The following VWCE variants were observed in gnomAD, a reference collection of about 807,000 sequenced individuals.
The protein encoded by VWCE is von Willebrand factor C and EGF domain-containing protein.
A neutral mutation model predicts 102.9 loss-of-function variants in VWCE; 68 were observed. The observed-to-expected ratio is 0.66, with a 90% CI of 0.54 to 0.81. The LOEUF is 0.81. Ranked by LOEUF, VWCE falls within the 30% of genes least tolerant of loss-of-function variation. The pLI, the probability that VWCE is intolerant of heterozygous loss-of-function variation, is 0.00. For synonymous variants in VWCE, 497 were observed against 515.4 expected, an observed-to-expected ratio of 0.96 and a Z score of 0.48; for missense variants, 1,137 against 1,263.6, an observed-to-expected ratio of 0.90 and a Z score of 1.52.
In VWCE at chr11:61,269,007, C is replaced by G. The variant is rs201645635; in HGVS notation, c.1797G>C (p.Ser599=). The G allele has an allele frequency of 4.3e-6, 7 of 1,614,056 alleles. No individual in the cohort carries two copies. The highest frequency in any genetic ancestry group is 5.1e-6 in the Non-Finnish European group (6 of 1,180,022). ...CELCICQADG[S]VSCKRTDCVD... is the part of the protein sequence containing the mutation. ...CACAGTCTGTCCTCTTGCAGCTCAC[C>G]GAGCCATCTGCCTGGAGGAAGGAGG... The change falls in exon 15 of 20, where the codon TCG becomes TCC. Residue 599 remains serine (S), a synonymous_variant. Coordinates refer to ENST00000335613, the MANE Select transcript of VWCE (RefSeq NM_152718.2).
chr11:61,258,888 G>T lies in VWCE; in HGVS notation c.2655C>A (p.Ser885=), dbSNP rs144581186. ...SFSASGAQIV[S]RWPPLPGTLL... is the part of the protein sequence containing the mutation. ...GGGTGCCAGGCAGAGGAGGCCACCT[G>T]GACACTATCTGGGCCCCAGAGGCTG... Residue 885 remains serine, a synonymous_variant, in exon 20 of 20, where the codon TCC becomes TCA. Coordinates refer to ENST00000335613, the MANE Select transcript of VWCE (RefSeq NM_152718.2). 145 of 1,523,188 alleles carry T rather than the reference G, an allele frequency of 9.5e-5. 2 individuals carry two copies. In the African/African-American group the frequency reaches 1.5e-3, roughly 16 times the overall value. The allele number at this position is 1,523,188 out of a possible 1,614,324, so 94.4% of individuals were successfully genotyped here.
rs1016037970 is a variant in VWCE at position 61,294,576 on chromosome 11, G to A, written c.110+352C>T. Reference sequence around the variant, plus strand: ...AGGCGCTGCCCGGGCAGAGCCACGGGCACGCTGGGGGGTGAGCCAGCCAGT... The same window carrying A: ...AGGCGCTGCCCGGGCAGAGCCACGGACACGCTGGGGGGTGAGCCAGCCAGT... On this transcript the variant is annotated intron_variant, in intron 1 of 19. Coordinates refer to ENST00000335613, the MANE Select transcript of VWCE (RefSeq NM_152718.2). The surrounding 1 kb of genome is among the most constrained non-coding windows in gnomAD (Gnocchi z 6.3). Among the ~76,000 whole-genome samples, 8 of 152,298 alleles carry A rather than the reference G, an allele frequency of 5.3e-5. No homozygotes were observed. The highest frequency in any genetic ancestry group is 1.9e-4 in the African/African-American group (8 of 41,580).
chr11:61,259,272 A>G lies in VWCE; in HGVS notation c.2271T>C (p.Pro757=). The G allele has an allele frequency of 6.2e-7, 1 of 1,603,668 alleles. No individual in the cohort carries two copies. Among genetic ancestry groups the G allele is most frequent in the Non-Finnish European group, 8.5e-7 (1 of 1,173,588 alleles). ...CTTTGCTGAATGCCACATTTCCGTG[A>G]GGGGAGAGCCCCTGCTTTTCTTCCA... The part of the protein sequence containing the change: ...SPLEEKQGLS[P]HGNVAFSKAG... Residue 757 remains proline, a synonymous_variant, in exon 20 of 20, where the codon CCT becomes CCC. Transcript: ENST00000335613.
chr11:61,274,648 G>A, intron 11 of VWCE, 64 bp from the exon 12 acceptor site: 3 of 1,483,456 alleles, frequency 2.0e-6, no homozygotes, highest in East Asian at 2.3e-5. Flanking sequence ...AGAAAGGGGG[G>A]AACAAATGGG....
chr11:61,261,705 C>T (rs912095508), intron 19 of VWCE, among the ~76,000 whole-genome samples: 4 of 151,450 alleles, frequency 2.6e-5, no homozygotes, highest in Non-Finnish European at 4.4e-5. Context: ...ACCTGTGAGA[C>T]TGAAGTAGGA....
intron 5 of VWCE, among the ~76,000 whole-genome samples, chr11:61,284,638 T>A (rs1210156519): frequency 6.6e-6 from 1 of 152,086 alleles, no homozygotes; most frequent in African/African-American, 2.4e-5. Context: ...TTGATGGGAT[T>A]AGTGTCCTTT....
At chr11:61,272,728 T>C (rs1854759209) in intron 13 of VWCE, among the ~76,000 whole-genome samples, 1 of 149,608 alleles carries the variant, frequency 6.7e-6, no homozygotes, top group African/African-American at 2.5e-5. Context: ...AGACGCACAC[T>C]ACTCACACAC....
chr11:61,273,404 A>T, intron 12 of VWCE, 88 bp from the exon 13 acceptor site: 1 of 1,249,716 alleles, frequency 8.0e-7, no homozygotes. Flanking sequence ...GCTGCCTGCC[A>T]TCACCCTCCC....
chr11:61,280,893 G>A lies in VWCE; in HGVS notation c.1130C>T (p.Pro377Leu), dbSNP rs559387466. ...TPSSPRGPES[P>L]RLAAGPSPCW... is the part of the protein sequence containing the mutation. ...GGGAGAGGGCCCTGCTGCCAGTCGG[G>A]GGGACTCAGGGCCCCTGGGTGAGGA... Residue 377 changes from proline (P) to leucine (L), a missense_variant, in exon 8 of 20, where the codon CCC (proline) becomes CTC (leucine). By Grantham distance (98) the Pro-to-Leu change is moderately conservative. This residue lies in a region of VWCE where 575 missense variants were observed against 625.9 expected (regional missense o/e 0.92). Transcript: ENST00000335613. 51 of 1,530,484 alleles carry A rather than the reference G, an allele frequency of 3.3e-5. No individual in the cohort carries two copies. In the African/African-American group the frequency reaches 6.9e-4, roughly 21 times the overall value. The allele number at this position is 1,530,484 out of a possible 1,614,324, so 94.8% of individuals were successfully genotyped here.
At position 61,274,508 on chromosome 11, in the gene VWCE, A is replaced by AC. The variant is rs1652675490; in HGVS notation, c.1571dup (p.Cys524TrpfsTer17). The stretch of plus-strand genomic sequence containing the variant: ...CGCTCAGCCACCATACCTGGCAAAC[A>AC]CAGGTGGTACACTCGTCACCACCCC... On this transcript the variant is annotated frameshift_variant, in exon 12 of 20. Transcript: ENST00000335613. LOFTEE classifies it high-confidence loss of function. The AC allele has an allele frequency of 1.2e-6, 2 of 1,612,804 alleles. No individual in the cohort carries two copies. The highest frequency in any genetic ancestry group is 1.7e-6 in the Non-Finnish European group (2 of 1,179,540).
chr11:61,279,246 G>A (rs1483867850), intron 9 of VWCE, among the ~76,000 whole-genome samples: 5 of 152,060 alleles, frequency 3.3e-5, no homozygotes, highest in East Asian at 1.9e-4. Flanking sequence ...AAGACTCAGC[G>A]TGTTGCGGGG....
At chr11:61,277,133 A>C (rs1019902722) in intron 10 of VWCE, among the ~76,000 whole-genome samples, 1 of 134,882 alleles carries the variant, frequency 7.4e-6, no homozygotes, top group African/African-American at 2.7e-5. Context: ...AGAGAGAAAG[A>C]GAAGAAAGAA....
intron 13 of VWCE, 134 bp from the exon 14 acceptor site, chr11:61,271,894 A>G (rs1220105554): frequency 1.3e-6 from 1 of 741,386 alleles, no homozygotes; most frequent in Non-Finnish European, 2.3e-6. Context: ...ACTTACACAC[A>G]CTCATACAAA....
In VWCE at chr11:61,295,059, C is replaced by G. The variant is rs890992186; in HGVS notation, c.-22G>C. ...ACATGACCGGCGGCGGCGGGTCCCC[C>G]GGGCTGGGCTCGGCTCCTGCGCCGC... is the stretch of plus-strand genomic sequence containing the variant. On this transcript the variant is annotated 5_prime_UTR_variant, in exon 1 of 20. Coordinates refer to ENST00000335613, the MANE Select transcript of VWCE (RefSeq NM_152718.2). The surrounding 1 kb of genome is among the most constrained non-coding windows in gnomAD (Gnocchi z 4.6). The G allele has an allele frequency of 7.5e-7, 1 of 1,337,500 alleles. No homozygotes were observed. The highest frequency in any genetic ancestry group is 9.6e-7 in the Non-Finnish European group (1 of 1,040,388). 82.9% of individuals were successfully genotyped at this position (1,337,500 alleles called of 1,614,324 possible).
At chr11:61,273,450 A>C in intron 12 of VWCE, 134 bp from the exon 13 acceptor site, 6 of 807,422 alleles carry the variant, frequency 7.4e-6, no homozygotes, top group Non-Finnish European at 9.6e-6. Flanking sequence ...AAATCTACTA[A>C]AGTGAAACTG....
At chr11:61,265,645 C>T (rs1165351320) in intron 16 of VWCE, among the ~76,000 whole-genome samples, 4 of 152,204 alleles carry the variant, frequency 2.6e-5, no homozygotes, top group East Asian at 1.9e-4. Context: ...TCCCTTGTCA[C>T]GCATGTACTC....
chr11:61,270,947 G>A (rs1015813416), intron 14 of VWCE, among the ~76,000 whole-genome samples: 1 of 151,284 alleles, frequency 6.6e-6, no homozygotes, highest in East Asian at 1.9e-4. Flanking sequence ...CTGAGGAAGC[G>A]ATCCTCCCAC....
chr11:61,280,498 T>G, intron 9 of VWCE, 126 bp downstream of exon 9: 3 of 932,312 alleles, frequency 3.2e-6, no homozygotes, highest in Non-Finnish European at 4.8e-6. Context: ...CCAAGGGAAG[T>G]GTGGCTTAGT....
chr11:61,280,957 G>A lies in VWCE; in HGVS notation c.1066C>T (p.Pro356Ser), dbSNP rs772623651. The change falls in exon 8 of 20, where the codon CCC becomes TCC. Residue 356 changes from proline to serine, a missense_variant. Coordinates refer to ENST00000335613, the MANE Select transcript of VWCE (RefSeq NM_152718.2). Reference protein sequence around the residue: ...PTASLLGNLRPPSLLQGEVMG... With the variant: ...PTASLLGNLRSPSLLQGEVMG... ...ACCTCCCCCTGAAGGAGTGAGGGGG[G>A]TCTGAGGTTCCCCAGCAGGGAGGCA... The A allele has an allele frequency of 1.9e-5, 29 of 1,534,424 alleles. 1 individual carries two copies. Among genetic ancestry groups the A allele is most frequent in the South Asian group, 5.2e-5 (4 of 77,554 alleles).
Sources: gnomAD v4.1 joint callset for allele counts (sites outside exome capture counted in the v4.1 genomes callset) on GRCh38, gnomAD v4.1.1 for gene constraint, gnomAD v4.1.1 regional missense constraint, Gnocchi (gnomAD v3.1) non-coding constraint, MANE v1.5 for transcripts, NCBI Gene and HGNC (gene_info 2026-07-23, HGNC 2026-07-21) for gene names.